The following PPARGC1A variants were observed in gnomAD, a reference collection of about 807,000 sequenced individuals.
The protein encoded by PPARGC1A is PPARG coactivator 1 alpha.
In PPARGC1A, 25 loss-of-function variants were observed where a neutral mutation model predicts 88.7. That is an observed-to-expected ratio of 0.28 (90% CI 0.21 to 0.39). PPARGC1A has a LOEUF of 0.39. PPARGC1A is among the 10% of genes least tolerant of loss of function. The probability of loss-of-function intolerance (pLI) is 1.00; values close to 1 mark genes in which losing one functional copy is unlikely to be tolerated. For synonymous variants in PPARGC1A, 363 were observed against 355.6 expected (o/e 1.02, Z -0.24); for missense variants, 880 against 968.7 (o/e 0.91, Z 1.22).
At chr4:24,080,326 C>G in the PPARGC1A span, among the ~76,000 whole-genome samples, 1 of 151,704 alleles carries the variant, frequency 6.6e-6, no homozygotes, top group Non-Finnish European at 1.5e-5. Flanking sequence ...TAATTTTTAT[C>G]TTCATAGTTT....
the PPARGC1A span, among the ~76,000 whole-genome samples, chr4:24,403,859 A>G: frequency 1.3e-5 from 2 of 152,218 alleles, no homozygotes; most frequent in African/African-American, 4.8e-5. Context: ...TTTCCGAATA[A>G]GAAGAATCTA....
At chr4:24,247,485 A>T in the PPARGC1A span, among the ~76,000 whole-genome samples, 1 of 152,174 alleles carries the variant, frequency 6.6e-6, no homozygotes, top group African/African-American at 2.4e-5. Context: ...TATCATCATT[A>T]TGATGATAGA....
chr4:24,136,134 T>C, the PPARGC1A span, among the ~76,000 whole-genome samples: 1,323 of 152,282 alleles, frequency 8.7e-3, 24 homozygotes, highest in African/African-American at 0.03. Flanking sequence ...TGTTGAAATA[T>C]TGGCACCTCG....
chr4:24,427,697 G>A, the PPARGC1A span, among the ~76,000 whole-genome samples: 3 of 152,094 alleles, frequency 2.0e-5, no homozygotes, highest in Non-Finnish European at 2.9e-5. Context: ...TTGTCCCTTG[G>A]AGTCATTCTG....
the PPARGC1A span, among the ~76,000 whole-genome samples, chr4:24,171,752 T>G: frequency 6.6e-6 from 1 of 152,256 alleles, no homozygotes; most frequent in Non-Finnish European, 1.5e-5. Context: ...TAGATGTACT[T>G]ATGGCATTCC....
chr4:24,073,483 C>T, the PPARGC1A span, among the ~76,000 whole-genome samples: 1 of 152,202 alleles, frequency 6.6e-6, no homozygotes, highest in Non-Finnish European at 1.5e-5. Flanking sequence ...GTCTCTTGAA[C>T]CCTGACCCCT....
At chr4:23,809,790 A>C (rs1375719875) in intron 10 of PPARGC1A, among the ~76,000 whole-genome samples, 1 of 152,152 alleles carries the variant, frequency 6.6e-6, no homozygotes, top group Non-Finnish European at 1.5e-5. Context: ...GTGTGGCTAA[A>C]GGCTACCATA....
the PPARGC1A span, among the ~76,000 whole-genome samples, chr4:24,417,427 A>G: frequency 6.6e-6 from 1 of 152,158 alleles, no homozygotes; most frequent in East Asian, 1.9e-4. Context: ...AAGCAGAAAA[A>G]CAGTTGTCAG....
At chr4:23,918,336 C>G in the PPARGC1A span, among the ~76,000 whole-genome samples, 1 of 151,926 alleles carries the variant, frequency 6.6e-6, no homozygotes, top group Non-Finnish European at 1.5e-5. Flanking sequence ...ATTCTCCTGC[C>G]TTAGCCCCCT....
the PPARGC1A span, among the ~76,000 whole-genome samples, chr4:24,033,038 G>C: frequency 3.3e-5 from 5 of 152,292 alleles, no homozygotes; most frequent in African/African-American, 1.2e-4. Flanking sequence ...ATGTAGAATT[G>C]TCCTAGCAAT....
At chr4:24,247,274 T>C in the PPARGC1A span, among the ~76,000 whole-genome samples, 2 of 152,198 alleles carry the variant, frequency 1.3e-5, no homozygotes, top group Non-Finnish European at 2.9e-5. Context: ...AATTGAGTTA[T>C]CCTCATTGTA....
the PPARGC1A span, among the ~76,000 whole-genome samples, chr4:24,045,165 T>C: frequency 6.6e-6 from 1 of 152,232 alleles, no homozygotes; most frequent in African/African-American, 2.4e-5. Context: ...CTATGTCAAC[T>C]GGTGCAAGTT....
At chr4:24,349,701 G>A in the PPARGC1A span, among the ~76,000 whole-genome samples, 2,320 of 152,244 alleles carry the variant, frequency 0.015, 34 homozygotes, top group South Asian at 0.028. Context: ...CAAGAGGGGC[G>A]TGAAAACTTA....
chr4:23,844,764 A>AATATATGATATATATT (rs1560428811), intron 2 of PPARGC1A, among the ~76,000 whole-genome samples: 1 of 45,566 alleles, frequency 2.2e-5, no homozygotes, highest in African/African-American at 1.1e-4. Flanking sequence ...TATATATTAT[A>AATATATGATATATATT]ATAATATATG....
chr4:24,022,666 G>T, the PPARGC1A span, among the ~76,000 whole-genome samples: 1 of 152,188 alleles, frequency 6.6e-6, no homozygotes, highest in South Asian at 2.1e-4. Context: ...ATTTGGAGTT[G>T]GTGTCACCAG....
chr4:24,309,135 T>C, the PPARGC1A span, among the ~76,000 whole-genome samples: 2 of 139,696 alleles, frequency 1.4e-5, no homozygotes, highest in African/African-American at 2.5e-5. Flanking sequence ...TATTTTAGTG[T>C]GGAAAGAAAA....
chr4:24,409,136 T>C, the PPARGC1A span, among the ~76,000 whole-genome samples: 1 of 152,196 alleles, frequency 6.6e-6, no homozygotes, highest in Non-Finnish European at 1.5e-5. Flanking sequence ...TAATAAAAAG[T>C]TGTTTTTTTA....
At chr4:24,252,782 A>G in the PPARGC1A span, among the ~76,000 whole-genome samples, 2 of 152,250 alleles carry the variant, frequency 1.3e-5, no homozygotes, top group Non-Finnish European at 2.9e-5. Context: ...CCTTCTGTCA[A>G]ATGTTATCAT....
At chr4:23,943,460 GA>G in the PPARGC1A span, among the ~76,000 whole-genome samples, 732 of 148,864 alleles carry the variant, frequency 4.9e-3, 8 homozygotes, top group African/African-American at 0.017. Flanking sequence ...GAAACAATTT[GA>G]GGGATTTAAG....
Sources: gnomAD v4.1 joint callset for allele counts (sites outside exome capture counted in the v4.1 genomes callset) on GRCh38, gnomAD v4.1.1 for gene constraint, MANE v1.5 for transcripts, NCBI Gene and HGNC (gene_info 2026-07-23, HGNC 2026-07-21) for gene names.